The following TGM3 variants were observed in gnomAD, a reference collection of about 807,000 sequenced individuals.
TGM3 encodes the protein protein-glutamine gamma-glutamyltransferase E.
A neutral mutation model predicts 73.8 loss-of-function variants in TGM3; 52 were observed. That is an observed-to-expected ratio of 0.70 (90% CI 0.56 to 0.89). TGM3 has a LOEUF of 0.89. Ranked by LOEUF, TGM3 falls within the 40% of genes least tolerant of loss-of-function variation. The pLI is 0.00. For synonymous variants in TGM3, 372 were observed against 354.9 expected (o/e 1.05, Z -0.54); for missense variants, 928 against 909.9 (o/e 1.02, Z -0.26).
At chr20:2,340,027 A>AGGGGGGGGG in intron 12 of TGM3, 40 bp downstream of exon 12, 28 of 133,130 alleles carry the variant, frequency 2.1e-4, no homozygotes, top group Admixed American at 1.6e-3. Context: ...GGAGGGCGGG[A>AGGGGGGGGG]GGGGGCGGGG....
At chr20:2,330,734 A>G (rs1435557738) in intron 9 of TGM3, among the ~76,000 whole-genome samples, 3 of 152,152 alleles carry the variant, frequency 2.0e-5, no homozygotes, top group Non-Finnish European at 4.4e-5. Flanking sequence ...GGCCAGGTGA[A>G]GTGGCTCATG....
Position 2,325,924 on chromosome 20 carries a change from G to T in TGM3, c.1059G>T (p.Leu353Phe), listed in dbSNP as rs780274543. Residue 353 changes from leucine (L) to phenylalanine (F), a missense_variant, in exon 8 of 13, where the codon TTG (leucine) becomes TTT (phenylalanine). Coordinates refer to ENST00000381458, the MANE Select transcript of TGM3 (RefSeq NM_003245.4). ...LGPSYGGWQV[L>F]DATPQERSQG... ...CCTCGTACGGTGGATGGCAGGTGTTGGATGCTACCCCGCAGGAAAGAAGCC... is the reference window on the plus strand; with the variant it reads ...CCTCGTACGGTGGATGGCAGGTGTTTGATGCTACCCCGCAGGAAAGAAGCC... 1 of 1,595,588 alleles carries T rather than the reference G, an allele frequency of 6.3e-7. No homozygotes were observed. The highest frequency in any genetic ancestry group is 8.5e-7 in the Non-Finnish European group (1 of 1,170,008).
chr20:2,339,270 C>CCCCA (rs2084367479), intron 11 of TGM3, among the ~76,000 whole-genome samples: 2 of 152,156 alleles, frequency 1.3e-5, no homozygotes, highest in African/African-American at 4.8e-5. Flanking sequence ...GTGGGGCCTC[C>CCCCA]CAGAGACGGA....
chr20:2,340,707 A>T lies in TGM3; in HGVS notation c.*126A>T. Reference sequence around the variant, plus strand: ...TCTCCATCTCCCAAGGCTGCCAGACATGGACCTCCAGGCTCCAGCACATCC... The same window carrying T: ...TCTCCATCTCCCAAGGCTGCCAGACTTGGACCTCCAGGCTCCAGCACATCC... On this transcript the variant is annotated 3_prime_UTR_variant, in exon 13 of 13. Coordinates refer to ENST00000381458, the MANE Select transcript of TGM3 (RefSeq NM_003245.4). 7.6e-7 allele frequency: 1 copy of T among 1,310,028 alleles called. No homozygotes were observed. Among genetic ancestry groups the T allele is most frequent in the Non-Finnish European group, 1.1e-6 (1 of 934,814 alleles). 81.2% of individuals were successfully genotyped at this position (1,310,028 alleles called of 1,614,324 possible). A position where few individuals can be genotyped will look rare whatever the true frequency, so the allele number is the denominator to read the frequency against.
At chr20:2,322,288 C>G (rs2019155) in intron 7 of TGM3, among the ~76,000 whole-genome samples, 2 of 152,080 alleles carry the variant, frequency 1.3e-5, no homozygotes, top group South Asian at 2.1e-4. Context: ...TCTTTTCTCT[C>G]TGAGTTATTG....
chr20:2,327,472 A>G (rs958229929), intron 8 of TGM3, among the ~76,000 whole-genome samples: 3 of 152,196 alleles, frequency 2.0e-5, no homozygotes, highest in Non-Finnish European at 4.4e-5. Context: ...GCACGACTGC[A>G]TCTCAAAAAA....
At chr20:2,319,992 C>T (rs942413013) in intron 7 of TGM3, among the ~76,000 whole-genome samples, 3 of 152,224 alleles carry the variant, frequency 2.0e-5, no homozygotes, top group Non-Finnish European at 2.9e-5. Flanking sequence ...GGAGCTTCAG[C>T]CCACTCCACT....
intron 1 of TGM3, among the ~76,000 whole-genome samples, chr20:2,298,328 G>A (rs1485094727): frequency 6.6e-6 from 1 of 152,178 alleles, no homozygotes; most frequent in East Asian, 1.9e-4. Context: ...AGAGTGGGTG[G>A]GAGAGCAGTT....
intron 12 of TGM3, 55 bp from the exon 13 acceptor site, chr20:2,340,379 C>T: frequency 6.2e-7 from 1 of 1,605,264 alleles, no homozygotes. Flanking sequence ...GGAGGCCCGT[C>T]CAGCCCAAGG....
intron 9 of TGM3, 35 bp from the exon 10 acceptor site, chr20:2,331,967 T>A (rs2084322710): frequency 6.4e-7 from 1 of 1,568,008 alleles, no homozygotes; most frequent in African/African-American, 1.4e-5. Context: ...TGCCATCACA[T>A]CCCTGGCATG....
intron 1 of TGM3, among the ~76,000 whole-genome samples, chr20:2,298,810 A>ACT (rs202100268): frequency 6.6e-6 from 1 of 151,112 alleles, no homozygotes; most frequent in Admixed American, 6.6e-5. Flanking sequence ...GGCAATATCT[A>ACT]CTCTCTCTCT....
chr20:2,328,137 C>G lies in TGM3; in HGVS notation c.1105C>G (p.Pro369Ala). 6.2e-7 allele frequency: 1 copy of G among 1,614,108 alleles called. No homozygotes were observed. Among genetic ancestry groups the G allele is most frequent in the Non-Finnish European group, 8.5e-7 (1 of 1,180,026 alleles). Reference protein sequence around the residue: ...ERSQGVFQCGPASVIGVREGD... With the variant: ...ERSQGVFQCGAASVIGVREGD... ...GCCTCCAGGGGTGTTCCAGTGCGGC[C>G]CCGCTTCGGTCATTGGTGTTCGAGA... Residue 369 changes from proline (P) to alanine (A), a missense_variant, in exon 9 of 13, where the codon CCC becomes GCC. Coordinates refer to ENST00000381458, the MANE Select transcript of TGM3 (RefSeq NM_003245.4). This position sits in a 1 kb window ranked among gnomAD's most constrained non-coding sequence, Gnocchi z 5.2.
intron 5 of TGM3, among the ~76,000 whole-genome samples, chr20:2,313,558 G>T (rs530172749): frequency 6.6e-6 from 1 of 152,140 alleles, no homozygotes; most frequent in South Asian, 2.1e-4. Flanking sequence ...CAAGGCACAC[G>T]GCATGCAAGT....
intron 1 of TGM3, among the ~76,000 whole-genome samples, chr20:2,300,743 G>A (rs1038193919): frequency 2.0e-5 from 3 of 152,078 alleles, no homozygotes; most frequent in African/African-American, 2.4e-5. Context: ...AAAACATAAC[G>A]CAGGTGAAAT....
chr20:2,305,697 C>T (rs214796), intron 1 of TGM3, among the ~76,000 whole-genome samples: 6 of 152,146 alleles, frequency 3.9e-5, no homozygotes, highest in South Asian at 2.1e-4. Flanking sequence ...CCGGGGCTCA[C>T]GCTTGGTGTC....
At position 2,328,843 on chromosome 20, in the gene TGM3, C is replaced by A. The variant is rs1419050874; in HGVS notation, c.1333+478C>A. Among the ~76,000 whole-genome samples the A allele has an allele frequency of 6.6e-6, 1 of 152,222 alleles. No homozygotes were observed. Among genetic ancestry groups the A allele is most frequent in the Non-Finnish European group, 1.5e-5 (1 of 68,040 alleles). On this transcript the variant is annotated intron_variant, in intron 9 of 12. Coordinates refer to ENST00000381458, the MANE Select transcript of TGM3 (RefSeq NM_003245.4). The surrounding 1 kb of genome is among the most constrained non-coding windows in gnomAD (Gnocchi z 5.2). The stretch of plus-strand genomic sequence containing the variant: ...GCTTGCACTGTGCACATTTGGAGGT[C>A]TCCCAAGAAGCCAGATGAGGTGTGA...
chr20:2,333,047 G>C (rs45481197), intron 10 of TGM3, among the ~76,000 whole-genome samples: 3 of 152,342 alleles, frequency 2.0e-5, no homozygotes, highest in East Asian at 1.9e-4. Flanking sequence ...AGCAGATAAA[G>C]GTTGTGCTGT....
At chr20:2,312,423 G>T (rs1600696402) in intron 4 of TGM3, among the ~76,000 whole-genome samples, 1 of 131,258 alleles carries the variant, frequency 7.6e-6, no homozygotes, top group East Asian at 2.2e-4. Context: ...AAAAAAAAAG[G>T]ATGGGAGGCA....
In TGM3 at chr20:2,340,458, G is replaced by A. The variant is rs2084375266; in HGVS notation, c.1959G>A (p.Glu653=). Residue 653 remains glutamate, a synonymous_variant, in exon 13 of 13, where the codon GAG becomes GAA. Transcript: ENST00000381458. The stretch of plus-strand genomic sequence containing the variant: ...GCGTGCCGACCCTAGGGCCCAAGGA[G>A]GGGTCCCGGGTCCGTTTTGATATCC... ...KIDVPTLGPK[E]GSRVRFDILP... 6.2e-7 allele frequency: 1 copy of A among 1,614,032 alleles called. No homozygotes were observed.
Sources: gnomAD v4.1 joint callset for allele counts (sites outside exome capture counted in the v4.1 genomes callset) on GRCh38, gnomAD v4.1.1 for gene constraint, Gnocchi (gnomAD v3.1) non-coding constraint, MANE v1.5 for transcripts, NCBI Gene and HGNC (gene_info 2026-07-23, HGNC 2026-07-21) for gene names.